The following CSMD1 variants were observed in gnomAD, a reference collection of about 807,000 sequenced individuals.
CSMD1 encodes CUB and Sushi multiple domains 1.
Under a neutral mutation model 417.5 loss-of-function variants are expected in CSMD1, and 213 were observed. That is an observed-to-expected ratio of 0.51 (90% CI 0.46 to 0.57). CSMD1 has a LOEUF of 0.57. CSMD1 is among the 20% of genes least tolerant of loss of function. CSMD1 has a pLI of 0.00. For missense variants in CSMD1, 6,923 were observed against 4,529.7 expected, an observed-to-expected ratio of 1.53 and a Z score of -15.17; for synonymous variants, 2,862 against 1,736.8, an observed-to-expected ratio of 1.65 and a Z score of -16.11.
At chr8:4,405,267 A>G (rs943335499) in intron 3 of CSMD1, among the ~76,000 whole-genome samples, 8 of 152,350 alleles carry the variant, frequency 5.3e-5, no homozygotes, top group Admixed American at 6.5e-5. Flanking sequence ...AGAAGTCAAA[A>G]AAGGAAAATG....
chr8:4,983,554 C>G (rs1220375007), intron 1 of CSMD1, among the ~76,000 whole-genome samples: 2 of 152,122 alleles, frequency 1.3e-5, no homozygotes, highest in Admixed American at 6.6e-5. Context: ...TGGAATTTCA[C>G]TCCTGTCGCC....
chr8:4,421,046 G>C (rs4875341), intron 2 of CSMD1, among the ~76,000 whole-genome samples: 16,865 of 152,118 alleles, frequency 0.11, 1,069 homozygotes, highest in African/African-American at 0.13. Flanking sequence ...TCCCCTTAAA[G>C]AGACTCATTT....
At chr8:4,806,436 T>C (rs1269816693) in intron 1 of CSMD1, among the ~76,000 whole-genome samples, 3 of 147,152 alleles carry the variant, frequency 2.0e-5, no homozygotes, top group Non-Finnish European at 4.5e-5. Flanking sequence ...ATGATGTTAG[T>C]GCCATCAACA....
At chr8:3,353,552 G>A (rs1402469329) in intron 21 of CSMD1, among the ~76,000 whole-genome samples, 3 of 152,152 alleles carry the variant, frequency 2.0e-5, no homozygotes, top group African/African-American at 7.2e-5. Context: ...CAGACCCTGG[G>A]GCAGTATCCC....
chr8:3,995,197 G>C (rs140879064), intron 5 of CSMD1, among the ~76,000 whole-genome samples: 2 of 152,230 alleles, frequency 1.3e-5, no homozygotes, highest in African/African-American at 4.8e-5. Context: ...AAATTATTCT[G>C]TTTTATGTTT....
intron 4 of CSMD1, among the ~76,000 whole-genome samples, chr8:4,009,314 G>C (rs142654418): frequency 1.3e-5 from 2 of 152,108 alleles, no homozygotes; most frequent in East Asian, 3.9e-4. Context: ...CCCTTTTGTG[G>C]GTATAAAACT....
Position 3,359,886 on chromosome 8 carries a change from C to G in CSMD1, c.3116-546G>C, listed in dbSNP as rs112328442. Among the ~76,000 whole-genome samples, 474 of 152,192 alleles carry G rather than the reference C, an allele frequency of 3.1e-3. 3 individuals carry two copies. Among genetic ancestry groups the G allele is most frequent in the African/African-American group, 0.011 (444 of 41,518 alleles). On this transcript the variant is annotated intron_variant, in intron 20 of 69. Coordinates refer to ENST00000635120, the MANE Select transcript of CSMD1 (RefSeq NM_033225.6). ...ATAAATGTGTACAATTATTATGTAACTAGAAGACAAGCAGACAAATAGCAT... is the reference window on the plus strand; with the variant it reads ...ATAAATGTGTACAATTATTATGTAAGTAGAAGACAAGCAGACAAATAGCAT...
At chr8:3,292,866 A>G (rs912489105) in intron 25 of CSMD1, among the ~76,000 whole-genome samples, 1 of 151,190 alleles carries the variant, frequency 6.6e-6, no homozygotes, top group Non-Finnish European at 1.5e-5. Flanking sequence ...TGATCCTGTC[A>G]TTATGATGTT....
intron 1 of CSMD1, among the ~76,000 whole-genome samples, chr8:4,920,638 A>G (rs1461586844): frequency 1.3e-5 from 2 of 151,950 alleles, no homozygotes; most frequent in East Asian, 3.9e-4. Flanking sequence ...CCTGACCTAC[A>G]TGGTGAAACC....
At chr8:3,625,428 C>T (rs150517910) in intron 7 of CSMD1, among the ~76,000 whole-genome samples, 2,244 of 152,168 alleles carry the variant, frequency 0.015, 38 homozygotes, top group Admixed American at 0.026. Flanking sequence ...TGTCTGGCCC[C>T]TCTTTCCTCT....
intron 1 of CSMD1, among the ~76,000 whole-genome samples, chr8:4,680,486 G>A (rs1462327607): frequency 2.0e-5 from 3 of 152,174 alleles, no homozygotes; most frequent in Non-Finnish European, 4.4e-5. Flanking sequence ...ACACTGGGCA[G>A]ATGCATTAAA....
intron 1 of CSMD1, among the ~76,000 whole-genome samples, chr8:4,790,351 T>C (rs534500008): frequency 1.3e-5 from 2 of 152,182 alleles, no homozygotes; most frequent in East Asian, 3.9e-4. Flanking sequence ...GGAAAAACAT[T>C]CCATGCTCAT....
At chr8:4,247,632 T>G (rs977485655) in intron 3 of CSMD1, among the ~76,000 whole-genome samples, 2 of 152,160 alleles carry the variant, frequency 1.3e-5, no homozygotes, top group African/African-American at 2.4e-5. Flanking sequence ...AGAGGTAGAT[T>G]TCAAGTAAGT....
chr8:4,026,410 G>A (rs1797067675), intron 4 of CSMD1, among the ~76,000 whole-genome samples: 1 of 152,206 alleles, frequency 6.6e-6, no homozygotes, highest in Non-Finnish European at 1.5e-5. Context: ...ATGGGTGGCA[G>A]CATAGGAAAG....
chr8:3,692,326 C>T (rs1261970539), intron 7 of CSMD1, among the ~76,000 whole-genome samples: 1 of 152,154 alleles, frequency 6.6e-6, no homozygotes, highest in South Asian at 2.1e-4. Context: ...ACCACATACC[C>T]AAAAGAAGAG....
chr8:4,065,304 G>A (rs1799186809), intron 3 of CSMD1, among the ~76,000 whole-genome samples: 1 of 152,122 alleles, frequency 6.6e-6, no homozygotes, highest in African/African-American at 2.4e-5. Context: ...CCCCTCAGTA[G>A]CACACTGAAC....
At chr8:4,392,729 G>A (rs948174943) in intron 3 of CSMD1, among the ~76,000 whole-genome samples, 11 of 151,746 alleles carry the variant, frequency 7.2e-5, no homozygotes, top group Non-Finnish European at 1.3e-4. Flanking sequence ...CAGCACTTTG[G>A]GAGGCTGAGG....
intron 2 of CSMD1, among the ~76,000 whole-genome samples, chr8:4,633,381 G>T (rs1317895707): frequency 1.3e-5 from 2 of 151,622 alleles, no homozygotes; most frequent in Non-Finnish European, 2.9e-5. Context: ...CTAGTAGCTG[G>T]GACTACAGGC....
Position 4,002,578 on chromosome 8 carries a change from A to G in CSMD1, c.611-4468T>C, listed in dbSNP as rs193231454. 9.6e-4 allele frequency among the ~76,000 whole-genome samples: 146 copies of G among 152,252 alleles called. 1 individual carries two copies. The highest frequency in any genetic ancestry group is 1.2e-4 in the Non-Finnish European group (8 of 68,008). On this transcript the variant is annotated intron_variant, in intron 4 of 69. Coordinates refer to ENST00000635120, the MANE Select transcript of CSMD1 (RefSeq NM_033225.6). Reference sequence around the variant, plus strand: ...TTAATTACTTAATTTTTGATATAATATTTACTTGTGAACTTATCTTCCAGT... The same window carrying G: ...TTAATTACTTAATTTTTGATATAATGTTTACTTGTGAACTTATCTTCCAGT...
Sources: allele counts gnomAD v4.1 joint callset (sites outside exome capture counted in the v4.1 genomes callset), GRCh38; gene constraint gnomAD v4.1.1; transcripts MANE v1.5; gene names NCBI Gene and HGNC (gene_info 2026-07-23, HGNC 2026-07-21).